DHRS2: variants seen among roughly 807,000 people sequenced by gnomAD.
DHRS2 encodes the protein dehydrogenase/reductase 2.
Under a neutral mutation model 26.3 loss-of-function variants are expected in DHRS2, and 29 were observed. The observed-to-expected ratio is 1.10, with a 90% CI of 0.82 to 1.50. The LOEUF is 1.50. DHRS2 is among the 40% of genes most tolerant of loss of function. DHRS2 has a pLI of 0.00. For missense variants in DHRS2, 439 were observed against 367.1 expected, an observed-to-expected ratio of 1.20 and a Z score of -1.60; for synonymous variants, 164 against 151.3, an observed-to-expected ratio of 1.08 and a Z score of -0.62.
chr14:23,645,031 G>A, intron 8 of DHRS2, 111 bp from the exon 9 acceptor site: 2 of 1,577,906 alleles, frequency 1.3e-6, no homozygotes, highest in South Asian at 2.2e-5. Context: ...AAGTAGCCCT[G>A]CTGCATCCAC....
At chr14:23,639,987 C>T (rs1890570302) in intron 4 of DHRS2, 92 bp downstream of exon 4, 1 of 1,158,858 alleles carries the variant, frequency 8.6e-7, no homozygotes, top group Admixed American at 3.8e-5. Flanking sequence ...ACTCTGTTTC[C>T]CTCCAGAGGT....
chr14:23,635,497 T>G (rs776860955), upstream of DHRS2, among the ~76,000 whole-genome samples: 9 of 152,262 alleles, frequency 5.9e-5, no homozygotes, highest in African/African-American at 1.7e-4. Flanking sequence ...GCAAGTTCCC[T>G]CTACAGAGTC....
intron 5 of DHRS2, chr14:23,643,464 G>C (rs1315341614): frequency 3.9e-6 from 2 of 518,686 alleles, no homozygotes; most frequent in Non-Finnish European, 7.0e-6. Context: ...CAGCAGGTTT[G>C]GGACAAGGCT....
At chr14:23,637,417 A>C (rs930980115) in intron 1 of DHRS2, among the ~76,000 whole-genome samples, 1 of 152,186 alleles carries the variant, frequency 6.6e-6, no homozygotes, top group East Asian at 1.9e-4. Flanking sequence ...AGGTCTAACA[A>C]AAGCTATTCC....
chr14:23,643,439 C>T, intron 5 of DHRS2: 1 of 548,822 alleles, frequency 1.8e-6, no homozygotes, highest in Non-Finnish European at 3.3e-6. Flanking sequence ...GGCATAGCCT[C>T]CTTGGCCTTG....
intron 4 of DHRS2, chr14:23,641,447 C>T (rs971870269): frequency 1.9e-5 from 8 of 418,096 alleles, no homozygotes; most frequent in African/African-American, 1.7e-4. Flanking sequence ...GAGCTACTCT[C>T]TCTTACTTTC....
At chr14:23,631,482 T>G (rs528547876), upstream of DHRS2, among the ~76,000 whole-genome samples, 37 of 152,282 alleles carry the variant, frequency 2.4e-4, no homozygotes, top group African/African-American at 7.0e-4. Context: ...TCTTTTCTGA[T>G]TTTCAATATT....
chr14:23,643,267 TG>T, intron 5 of DHRS2, 48 bp downstream of exon 5: 2 of 1,574,532 alleles, frequency 1.3e-6, no homozygotes, highest in Non-Finnish European at 1.7e-6. Context: ...GGACCTGAGG[TG>T]GGCACAGAAA....
upstream of DHRS2, among the ~76,000 whole-genome samples, chr14:23,633,340 G>A (rs904323313): frequency 4.6e-5 from 7 of 152,146 alleles, no homozygotes; most frequent in African/African-American, 1.7e-4. Flanking sequence ...ATCAGCACCG[G>A]CCTGCTGGAG....
upstream of DHRS2, among the ~76,000 whole-genome samples, chr14:23,633,030 A>T (rs1046813896): frequency 6.6e-6 from 1 of 152,206 alleles, no homozygotes; most frequent in Non-Finnish European, 1.5e-5. Flanking sequence ...GGAATCCCAC[A>T]TAGGGGAAGG....
At position 23,645,290 on chromosome 14, in the gene DHRS2, C is replaced by T. The variant is rs1297401189; in HGVS notation, c.*37C>T. On this transcript the variant is annotated 3_prime_UTR_variant, in exon 9 of 9. Coordinates refer to ENST00000250383, the MANE Select transcript of DHRS2 (RefSeq NM_005794.4). ...GCGGCTGCGTAGCTGTGGTCCCAGG[C>T]CCAGGAGCCTGAGGGGGTGTCTAGG... The T allele has an allele frequency of 1.9e-6, 3 of 1,613,422 alleles. No homozygotes were observed. The highest frequency in any genetic ancestry group is 2.5e-6 in the Non-Finnish European group (3 of 1,180,028).
chr14:23,644,014 C>A, intron 5 of DHRS2, 97 bp from the exon 6 acceptor site: 1 of 1,285,352 alleles, frequency 7.8e-7, no homozygotes, highest in Non-Finnish European at 1.1e-6. Context: ...ACCTGTGTTG[C>A]TTCTGTGAGG....
upstream of DHRS2, among the ~76,000 whole-genome samples, chr14:23,635,856 C>T (rs1566696876): frequency 6.6e-6 from 1 of 152,254 alleles, no homozygotes; most frequent in Non-Finnish European, 1.5e-5. Flanking sequence ...CCAGCAGGGG[C>T]TCCGTGGGCC....
chr14:23,641,678 G>T (rs1010511589), intron 4 of DHRS2: 1 of 1,289,818 alleles, frequency 7.8e-7, no homozygotes, highest in South Asian at 1.2e-5. Flanking sequence ...ACCTCAGGGT[G>T]GTACCCACTT....
upstream of DHRS2, among the ~76,000 whole-genome samples, chr14:23,634,785 G>A (rs566886573): frequency 1.3e-5 from 2 of 152,124 alleles, no homozygotes; most frequent in Non-Finnish European, 2.9e-5. Flanking sequence ...GGAGGAGGGG[G>A]CCTAGTGGAA....
In DHRS2 at chr14:23,639,355, A is replaced by C. The variant is rs781461354; in HGVS notation, c.317A>C (p.Lys106Thr). 6.4e-7 allele frequency: 1 copy of C among 1,564,576 alleles called. No homozygotes were observed. The highest frequency in any genetic ancestry group is 1.2e-5 in the South Asian group (1 of 81,810). Reference sequence around the variant, plus strand: ...GAGGACCGGGAGCAGCTGGTGGCCAAGGTGAGGGGGCAGGCGGTGGAAGGA... The same window carrying C: ...GAGGACCGGGAGCAGCTGGTGGCCACGGTGAGGGGGCAGGCGGTGGAAGGA... Reference protein sequence around the residue: ...KAEDREQLVAKALEHCGGVDF... With the variant: ...KAEDREQLVATALEHCGGVDF... Residue 106 changes from lysine (K) to threonine (T), a missense_variant and splice_region_variant, in exon 3 of 9, where the codon AAG becomes ACG. By Grantham distance (78) the Lys-to-Thr change is moderately conservative (BLOSUM62 -1). Coordinates refer to ENST00000250383, the MANE Select transcript of DHRS2 (RefSeq NM_005794.4).
At position 23,639,245 on chromosome 14, in the gene DHRS2, G is replaced by A. The variant is rs1890513891; in HGVS notation, c.207G>A (p.Lys69=). The change falls in exon 3 of 9, where the codon AAG becomes AAA. Residue 69 remains lysine (K), a synonymous_variant. Transcript: ENST00000250383. ...CCCACGTGGTCATCAGCAGCCGGAA[G>A]CAGCAGAACGTGGACCGGGCCATGG... ...DGAHVVISSR[K]QQNVDRAMAK... is the part of the protein sequence containing the mutation. 1.2e-6 allele frequency: 2 copies of A among 1,613,728 alleles called. No individual in the cohort carries two copies. The highest frequency in any genetic ancestry group is 2.7e-5 in the African/African-American group (2 of 74,936).
intron 1 of DHRS2, among the ~76,000 whole-genome samples, chr14:23,637,411 C>T (rs1890373764): frequency 6.6e-6 from 1 of 152,152 alleles, no homozygotes; most frequent in Non-Finnish European, 1.5e-5. Flanking sequence ...ATAAGCAGGT[C>T]TAACAAAAGC....
chr14:23,643,280 A>G (rs1890742376), intron 5 of DHRS2, 61 bp downstream of exon 5: 4 of 1,495,850 alleles, frequency 2.7e-6, no homozygotes, highest in Non-Finnish European at 3.7e-6. Flanking sequence ...GCACAGAAAT[A>G]CAGTCGGTAG....
Sources: gnomAD v4.1 joint callset for allele counts (sites outside exome capture counted in the v4.1 genomes callset) on GRCh38, gnomAD v4.1.1 for gene constraint, MANE v1.5 for transcripts, NCBI Gene and HGNC (gene_info 2026-07-23, HGNC 2026-07-21) for gene names.